The following ARB2A variants were observed in gnomAD, a reference collection of about 807,000 sequenced individuals.
ARB2A encodes cotranscriptional regulator ARB2A.
chr5:94,030,700 G>A, the ARB2A span, among the ~76,000 whole-genome samples: 18 of 152,332 alleles, frequency 1.2e-4, no homozygotes, highest in Non-Finnish European at 7.4e-5. Context: ...AATTGCCAAT[G>A]TAACAGTATT....
At chr5:93,789,871 C>A in the ARB2A span, among the ~76,000 whole-genome samples, 1 of 152,164 alleles carries the variant, frequency 6.6e-6, no homozygotes, top group African/African-American at 2.4e-5. Flanking sequence ...GGCACTAGCA[C>A]CTCTAGTGAT....
chr5:93,856,633 C>G, the ARB2A span, among the ~76,000 whole-genome samples: 3 of 152,212 alleles, frequency 2.0e-5, no homozygotes, highest in Non-Finnish European at 4.4e-5. Flanking sequence ...TCAGCTCCAT[C>G]AGCTCCTTTA....
chr5:93,779,459 G>A, the ARB2A span, among the ~76,000 whole-genome samples: 3 of 152,022 alleles, frequency 2.0e-5, no homozygotes, highest in Non-Finnish European at 4.4e-5. Context: ...AAAGTGTTCC[G>A]AGTAGTGATG....
the ARB2A span, among the ~76,000 whole-genome samples, chr5:93,860,222 G>A: frequency 6.6e-6 from 1 of 152,182 alleles, no homozygotes; most frequent in African/African-American, 2.4e-5. Flanking sequence ...GAACCCAGGA[G>A]GCGGAGCTTG....
the ARB2A span, among the ~76,000 whole-genome samples, chr5:93,935,535 A>G: frequency 6.6e-6 from 1 of 152,180 alleles, no homozygotes; most frequent in African/African-American, 2.4e-5. Context: ...AGGGGAATAG[A>G]GAGATATTGA....
the ARB2A span, among the ~76,000 whole-genome samples, chr5:93,694,090 T>C: frequency 6.6e-6 from 1 of 152,194 alleles, no homozygotes; most frequent in South Asian, 2.1e-4. Flanking sequence ...CGATACTGAA[T>C]GTGCAAAACT....
chr5:93,778,432 T>G, the ARB2A span, among the ~76,000 whole-genome samples: 1 of 152,184 alleles, frequency 6.6e-6, no homozygotes, highest in Non-Finnish European at 1.5e-5. Flanking sequence ...ATGGATGATT[T>G]GTTTTATCAT....
the ARB2A span, among the ~76,000 whole-genome samples, chr5:93,981,777 A>T: frequency 3.9e-5 from 6 of 152,164 alleles, no homozygotes; most frequent in Non-Finnish European, 7.3e-5. Flanking sequence ...GTTTATATGT[A>T]AAAATACTGC....
At chr5:93,868,413 G>A in the ARB2A span, among the ~76,000 whole-genome samples, 1 of 152,188 alleles carries the variant, frequency 6.6e-6, no homozygotes, top group Non-Finnish European at 1.5e-5. Context: ...CACACATAAA[G>A]GATGCACACG....
chr5:94,109,411 C>T, the ARB2A span, among the ~76,000 whole-genome samples: 1 of 152,244 alleles, frequency 6.6e-6, no homozygotes, highest in Middle Eastern at 3.4e-3. Flanking sequence ...GACTACTGTG[C>T]AAACCCAATC....
At chr5:93,762,889 C>A in the ARB2A span, among the ~76,000 whole-genome samples, 3 of 152,098 alleles carry the variant, frequency 2.0e-5, no homozygotes, top group Non-Finnish European at 4.4e-5. Context: ...AGAGTGGGGG[C>A]CAATATTCAA....
At chr5:93,804,000 G>A in the ARB2A span, among the ~76,000 whole-genome samples, 3 of 151,836 alleles carry the variant, frequency 2.0e-5, no homozygotes, top group African/African-American at 7.3e-5. Flanking sequence ...AATGGAAAAG[G>A]TTTGTAACCC....
the ARB2A span, among the ~76,000 whole-genome samples, chr5:93,670,938 A>G: frequency 2.0e-5 from 3 of 152,198 alleles, no homozygotes; most frequent in East Asian, 3.8e-4. Context: ...TTTATAAAGT[A>G]TAAGAGGAAA....
chr5:93,830,309 GTGTATATATATATA>G, the ARB2A span, among the ~76,000 whole-genome samples: 3 of 49,658 alleles, frequency 6.0e-5, no homozygotes, highest in African/African-American at 2.7e-4. Flanking sequence ...ATGTGTGTGT[GTGTATATATATATA>G]TATATATATA....
the ARB2A span, among the ~76,000 whole-genome samples, chr5:93,870,766 C>T: frequency 1.3e-5 from 2 of 152,192 alleles, no homozygotes; most frequent in African/African-American, 4.8e-5. Context: ...AAGCCAACTA[C>T]ACATAAATGT....
At chr5:93,851,377 T>C in the ARB2A span, among the ~76,000 whole-genome samples, 1 of 152,200 alleles carries the variant, frequency 6.6e-6, no homozygotes, top group Non-Finnish European at 1.5e-5. Flanking sequence ...GTCATTGTAG[T>C]AATTTTGTTG....
the ARB2A span, among the ~76,000 whole-genome samples, chr5:94,067,015 A>C: frequency 1.3e-5 from 2 of 152,198 alleles, no homozygotes; most frequent in African/African-American, 4.8e-5. Flanking sequence ...ATTTACCTAG[A>C]AATGCAAGGA....
the ARB2A span, among the ~76,000 whole-genome samples, chr5:93,797,465 A>G: frequency 6.6e-6 from 1 of 152,162 alleles, no homozygotes; most frequent in Non-Finnish European, 1.5e-5. Context: ...AATAAGCATC[A>G]GTATTTATTA....
the ARB2A span, among the ~76,000 whole-genome samples, chr5:93,783,568 G>C: frequency 6.6e-6 from 1 of 152,192 alleles, no homozygotes; most frequent in South Asian, 2.1e-4. Context: ...AGAAAAACTG[G>C]AAGAAAACCA....
Sources: allele counts gnomAD v4.1 joint callset (sites outside exome capture counted in the v4.1 genomes callset), GRCh38; gene constraint gnomAD v4.1.1; transcripts MANE v1.5; gene names NCBI Gene and HGNC (gene_info 2026-07-23, HGNC 2026-07-21).